Variants in CUX1 observed in about 807,000 individuals in gnomAD.
The protein encoded by CUX1 is protein CASP.
A neutral mutation model predicts 158.8 loss-of-function variants in CUX1; 31 were observed. That is an observed-to-expected ratio of 0.20 (90% CI 0.15 to 0.26). The LOEUF (loss-of-function observed/expected upper bound fraction) is 0.26, where lower values mean the gene tolerates loss of function less well. Ranked by LOEUF, CUX1 falls within the 10% of genes least tolerant of loss-of-function variation. The probability of loss-of-function intolerance (pLI) is 1.00; values close to 1 mark genes in which losing one functional copy is unlikely to be tolerated. For missense variants in CUX1, 1,589 were observed against 2,014.6 expected, an observed-to-expected ratio of 0.79 and a Z score of 4.04; for synonymous variants, 879 against 862.1, an observed-to-expected ratio of 1.02 and a Z score of -0.34.
At chr7:101,927,988 C>T (rs921176460) in intron 2 of CUX1, among the ~76,000 whole-genome samples, 2 of 152,298 alleles carry the variant, frequency 1.3e-5, no homozygotes, top group Admixed American at 1.3e-4. Context: ...GTCAACAAGG[C>T]CGGCATCCCC....
Position 102,178,594 on chromosome 7 carries a change from G to A in CUX1, c.954G>A (p.Glu318=), listed in dbSNP as rs782085068. Residue 318 remains glutamate (E), a synonymous_variant, in exon 11 of 24, where the codon GAG becomes GAA. Coordinates refer to ENST00000292535, the MANE Select transcript of CUX1 (RefSeq NM_181552.4). ...RLQASLTKLR[E]NSASQISQLE... is the part of the protein sequence containing the mutation. Reference sequence around the variant, plus strand: ...AGGCCAGCCTCACCAAGCTGCGGGAGAATTCGGCCAGCCAGATCTCACAGC... The same window carrying A: ...AGGCCAGCCTCACCAAGCTGCGGGAAAATTCGGCCAGCCAGATCTCACAGC... The A allele has an allele frequency of 6.2e-7, 1 of 1,612,052 alleles. No homozygotes were observed. The highest frequency in any genetic ancestry group is 1.7e-5 in the Admixed American group (1 of 59,744).
intron 1 of CUX1, among the ~76,000 whole-genome samples, chr7:101,862,820 A>G (rs1384620196): frequency 6.6e-6 from 1 of 152,082 alleles, no homozygotes; most frequent in Non-Finnish European, 1.5e-5. Context: ...CAGAGAGGAT[A>G]AAGACCCGTA....
chr7:102,141,185 A>G (rs1394183179), intron 8 of CUX1, among the ~76,000 whole-genome samples: 1 of 152,114 alleles, frequency 6.6e-6, no homozygotes, highest in Non-Finnish European at 1.5e-5. Flanking sequence ...TAAAAAAGGT[A>G]CTTAGCCTGC....
rs1554506044 is a variant in CUX1 at position 102,158,593 on chromosome 7, T to C, written c.708T>C (p.Leu236=). The C allele has an allele frequency of 6.2e-7, 1 of 1,613,944 alleles. No individual in the cohort carries two copies. The change falls in exon 9 of 24, where the codon CTT becomes CTC. Residue 236 remains leucine, a synonymous_variant. Transcript: ENST00000292535. The stretch of plus-strand genomic sequence containing the variant: ...AGATTGAAATGATCATGACGGACCT[T>C]GAAAGGGCAAACCAGGTAGGACCCT... ...ADEIEMIMTD[L]ERANQRAEVA... is the part of the protein sequence containing the mutation.
chr7:102,227,542 C>G lies in CUX1; in HGVS notation c.3306C>G (p.Pro1102=), dbSNP rs782276098. Residue 1102 remains proline (P), a synonymous_variant, in exon 21 of 24, where the codon CCC becomes CCG. Coordinates refer to ENST00000292535, the MANE Select transcript of CUX1 (RefSeq NM_181552.4). The part of the protein sequence containing the change: ...PSDPPASDSQ[P]TTPLPLSGHS... The stretch of plus-strand genomic sequence containing the variant: ...ACCCGCCAGCATCCGACTCCCAGCC[C>G]ACAACCCCGCTGCCTCTCTCCGGAC... The G allele has an allele frequency of 8.7e-6, 14 of 1,614,028 alleles. No individual in the cohort carries two copies.
intron 3 of CUX1, among the ~76,000 whole-genome samples, chr7:102,056,001 A>T (rs1824081787): frequency 6.6e-6 from 1 of 152,216 alleles, no homozygotes; most frequent in Non-Finnish European, 1.5e-5. Flanking sequence ...AATTCTCTTA[A>T]TTGGGTCTTA....
At chr7:101,858,664 T>A (rs922721245) in intron 1 of CUX1, among the ~76,000 whole-genome samples, 4 of 143,428 alleles carry the variant, frequency 2.8e-5, no homozygotes, top group Non-Finnish European at 6.1e-5. Flanking sequence ...CGAATGCCTT[T>A]TTTTTTTTTT....
At chr7:102,220,600 G>A (rs1334271154) in intron 20 of CUX1, among the ~76,000 whole-genome samples, 2 of 152,068 alleles carry the variant, frequency 1.3e-5, no homozygotes, top group Non-Finnish European at 2.9e-5. Context: ...GGAAAGGCCC[G>A]CAGGCTGGGA....
At chr7:101,988,239 C>T (rs1277977241) in intron 2 of CUX1, among the ~76,000 whole-genome samples, 2 of 151,866 alleles carry the variant, frequency 1.3e-5, no homozygotes, top group Non-Finnish European at 2.9e-5. Flanking sequence ...AAGCTGTTCT[C>T]CGTGAGTCAG....
intron 20 of CUX1, among the ~76,000 whole-genome samples, chr7:102,224,708 G>A (rs1272110297): frequency 3.3e-5 from 5 of 152,130 alleles, no homozygotes; most frequent in Non-Finnish European, 5.9e-5. Context: ...ACAAATCCAC[G>A]CCACTGGCTT....
chr7:102,132,306 TGTGCGCGC>T lies in CUX1; in HGVS notation c.674+17035_674+17042del, dbSNP rs1314421829. 7.0e-3 allele frequency among the ~76,000 whole-genome samples: 26 copies of T among 3,728 alleles called. 1 individual carries two copies. Among genetic ancestry groups the T allele is most frequent in the African/African-American group, 0.026 (22 of 856 alleles). The allele number at this position is 3,728 out of a possible 152,430, so 2.4% of individuals were successfully genotyped here. A position where few individuals can be genotyped will look rare whatever the true frequency, so the allele number is the denominator to read the frequency against. On this transcript the variant is annotated intron_variant, in intron 8 of 23. Coordinates refer to ENST00000292535, the MANE Select transcript of CUX1 (RefSeq NM_181552.4). ...ATGAGAGAGAGAGTGTGTGTGTGTGTGTGCGCGCGCGCGCGCGCACGCCACGCACACAC... is the reference window on the plus strand; with the variant it reads ...ATGAGAGAGAGAGTGTGTGTGTGTGTGCGCGCGCGCACGCCACGCACACAC...
intron 2 of CUX1, among the ~76,000 whole-genome samples, chr7:102,007,753 G>T (rs1817551025): frequency 6.7e-6 from 1 of 149,374 alleles, no homozygotes; most frequent in East Asian, 2.0e-4. Context: ...GTTTTGTTTT[G>T]TTTTTTTTGA....
Position 102,239,309 on chromosome 7 carries a change from T to C in CUX1, c.3623-11T>C, listed in dbSNP as rs782193403. On this transcript the variant is annotated splice_polypyrimidine_tract_variant and intron_variant, in intron 22 of 23. Transcript: ENST00000292535. Reference sequence around the variant, plus strand: ...GGGCCTGACCTTAGTCTGCCATCTCTTCCTCCGCAGCCTACATGAAGCGGC... The same window carrying C: ...GGGCCTGACCTTAGTCTGCCATCTCCTCCTCCGCAGCCTACATGAAGCGGC... 7.5e-6 allele frequency: 12 copies of C among 1,593,730 alleles called. No homozygotes were observed. The highest frequency in any genetic ancestry group is 1.1e-5 in the South Asian group (1 of 90,502).
At position 101,895,907 on chromosome 7, in the gene CUX1, TG is replaced by T. The variant is rs1315003470; in HGVS notation, c.31-20207del. ...ACCTGTAAAGTTTTTTTTTTGTTTT[TG>T]TTTTTTTTTTTTTTTTTTGGAGACA... On this transcript the variant is annotated intron_variant, in intron 1 of 23. Coordinates refer to ENST00000292535, the MANE Select transcript of CUX1 (RefSeq NM_181552.4). Among the ~76,000 whole-genome samples, 53 of 44,208 alleles carry T rather than the reference TG, an allele frequency of 1.2e-3. 1 individual carries two copies. The highest frequency in any genetic ancestry group is 1.6e-3 in the African/African-American group (14 of 9,002). 29.0% of individuals were successfully genotyped at this position (44,208 alleles called of 152,430 possible).
At chr7:102,118,503 C>A (rs1391055010) in intron 8 of CUX1, among the ~76,000 whole-genome samples, 1 of 152,088 alleles carries the variant, frequency 6.6e-6, no homozygotes, top group Non-Finnish European at 1.5e-5. Flanking sequence ...TACCACTGCA[C>A]TGCGACCTGG....
intron 1 of CUX1, among the ~76,000 whole-genome samples, chr7:101,909,429 TG>T (rs11320462): frequency 1 from 152,321 of 152,324 alleles, 76,159 homozygotes; most frequent in Middle Eastern, 1. Flanking sequence ...GGCTGGTGGG[TG>T]GGGCTTAGGC....
chr7:102,280,360 G>T (rs1168236688), intron 19 of CUX1, among the ~76,000 whole-genome samples: 1 of 152,204 alleles, frequency 6.6e-6, no homozygotes. Flanking sequence ...TAGGCCCAGG[G>T]CCCATTCAGG....
At chr7:102,155,694 C>A (rs1789677153) in intron 8 of CUX1, among the ~76,000 whole-genome samples, 2 of 152,166 alleles carry the variant, frequency 1.3e-5, no homozygotes. Context: ...GGTGATTATC[C>A]TTTTCTGATA....
intron 18 of CUX1, among the ~76,000 whole-genome samples, chr7:102,279,731 C>T (rs868933967): frequency 1.3e-5 from 2 of 152,208 alleles, no homozygotes; most frequent in African/African-American, 4.8e-5. Flanking sequence ...GCATGACCAC[C>T]CCACACTCCC....
Sources: gnomAD v4.1 joint callset for allele counts (sites outside exome capture counted in the v4.1 genomes callset) on GRCh38, gnomAD v4.1.1 for gene constraint, MANE v1.5 for transcripts, NCBI Gene and HGNC (gene_info 2026-07-23, HGNC 2026-07-21) for gene names.